The following SPATS2L variants were observed in gnomAD, a reference collection of about 807,000 sequenced individuals.
SPATS2L encodes the protein spermatogenesis associated serine rich 2 like, also known as SPATS2-like protein.
Under a neutral mutation model 59.6 loss-of-function variants are expected in SPATS2L, and 30 were observed. The observed-to-expected ratio is 0.50, with a 90% CI of 0.38 to 0.68. The LOEUF is 0.68. SPATS2L is among the 30% of genes least tolerant of loss of function. The probability of loss-of-function intolerance (pLI) is 0.00; values close to 1 mark genes in which losing one functional copy is unlikely to be tolerated. For synonymous variants in SPATS2L, 252 were observed against 263.5 expected, an observed-to-expected ratio of 0.96 and a Z score of 0.42; for missense variants, 615 against 700.0, an observed-to-expected ratio of 0.88 and a Z score of 1.37.
intron 9 of SPATS2L, among the ~76,000 whole-genome samples, chr2:200,461,505 A>G (rs2086238428): frequency 6.6e-6 from 1 of 152,196 alleles, no homozygotes; most frequent in Non-Finnish European, 1.5e-5. Context: ...TCAAACCACA[A>G]GTGAATGTGT....
intron 1 of SPATS2L, among the ~76,000 whole-genome samples, chr2:200,310,632 C>T (rs771974601): frequency 6.6e-6 from 1 of 152,228 alleles, no homozygotes; most frequent in Non-Finnish European, 1.5e-5. Flanking sequence ...CAAATACTTT[C>T]CATGGCCTCC....
At chr2:200,428,030 A>G (rs12613642) in intron 6 of SPATS2L, among the ~76,000 whole-genome samples, 47,208 of 149,826 alleles carry the variant, frequency 0.32, 8,541 homozygotes, top group Admixed American at 0.4. Flanking sequence ...TGATCACACC[A>G]TTGCACTCCA....
intron 8 of SPATS2L, among the ~76,000 whole-genome samples, chr2:200,453,941 A>C (rs1197185135): frequency 6.6e-6 from 1 of 152,122 alleles, no homozygotes; most frequent in Non-Finnish European, 1.5e-5. Flanking sequence ...TCTCTCCAGC[A>C]GTTCCCACCT....
chr2:200,355,284 C>T (rs1192564469), intron 2 of SPATS2L, among the ~76,000 whole-genome samples: 2 of 152,200 alleles, frequency 1.3e-5, no homozygotes. Flanking sequence ...GGGGGTCTCA[C>T]CCCAGACATA....
intron 8 of SPATS2L, among the ~76,000 whole-genome samples, chr2:200,458,743 AAAG>A (rs2086031719): frequency 6.6e-6 from 1 of 152,324 alleles, no homozygotes; most frequent in South Asian, 2.1e-4. Flanking sequence ...TAAAAAAAAA[AAAG>A]ATTTATGGGA....
At chr2:200,463,667 C>A (rs2086396499) in intron 9 of SPATS2L, among the ~76,000 whole-genome samples, 1 of 152,184 alleles carries the variant, frequency 6.6e-6, no homozygotes, top group Non-Finnish European at 1.5e-5. Context: ...TCTCAAACTT[C>A]CTGTTTATAC....
chr2:200,431,803 A>G (rs2083950302), intron 6 of SPATS2L, among the ~76,000 whole-genome samples: 1 of 152,254 alleles, frequency 6.6e-6, no homozygotes, highest in Non-Finnish European at 1.5e-5. Flanking sequence ...CCAAGTTTAT[A>G]TATTTCCCCC....
chr2:200,412,282 CTATTTCT>C, intron 3 of SPATS2L, 22 bp from the exon 4 acceptor site: 10 of 1,236,894 alleles, frequency 8.1e-6, no homozygotes, highest in Non-Finnish European at 9.0e-6. Flanking sequence ...GTTCACATTT[CTATTTCT>C]TTTTTTTTTT....
chr2:200,434,764 G>A (rs764728609), intron 6 of SPATS2L, among the ~76,000 whole-genome samples: 4 of 152,046 alleles, frequency 2.6e-5, no homozygotes, highest in East Asian at 1.9e-4. Flanking sequence ...TTAAGATACC[G>A]CATATCCCCA....
At chr2:200,463,879 A>C (rs879654599) in intron 9 of SPATS2L, among the ~76,000 whole-genome samples, 8 of 152,212 alleles carry the variant, frequency 5.3e-5, no homozygotes, top group Non-Finnish European at 8.8e-5. Context: ...TTGGGATTTT[A>C]AGTATATTTT....
At chr2:200,360,457 T>G (rs1464210851) in intron 2 of SPATS2L, among the ~76,000 whole-genome samples, 1 of 152,182 alleles carries the variant, frequency 6.6e-6, no homozygotes, top group African/African-American at 2.4e-5. Flanking sequence ...TCTACCTCTG[T>G]CCTCCCCAAC....
chr2:200,371,677 A>C (rs1297789371), intron 2 of SPATS2L, among the ~76,000 whole-genome samples: 1 of 152,194 alleles, frequency 6.6e-6, no homozygotes, highest in African/African-American at 2.4e-5. Context: ...CTTATCTACA[A>C]ATTAATTTGG....
chr2:200,311,901 A>G lies in SPATS2L; in HGVS notation c.-73+4979A>G, dbSNP rs553141805. On this transcript the variant is annotated intron_variant, in intron 1 of 12. Coordinates refer to ENST00000409140, the MANE Select transcript of SPATS2L (RefSeq NM_001100423.2). The stretch of plus-strand genomic sequence containing the variant: ...TGATTACTGAAAGGATTTGGATAAG[A>G]TTTCAGTGTTATTGGGAATATAAGG... Among the ~76,000 whole-genome samples, 58 of 152,242 alleles carry G rather than the reference A, an allele frequency of 3.8e-4. 1 individual carries two copies. The highest frequency in any genetic ancestry group is 1.3e-3 in the African/African-American group (56 of 41,550).
chr2:200,393,133 G>A (rs2082221414), intron 3 of SPATS2L: 2 of 450,548 alleles, frequency 4.4e-6, no homozygotes, highest in East Asian at 7.0e-5. Flanking sequence ...GGTGCTGATC[G>A]AGGATTGGCA....
At chr2:200,454,983 A>G (rs567063698) in intron 8 of SPATS2L, among the ~76,000 whole-genome samples, 2 of 152,350 alleles carry the variant, frequency 1.3e-5, no homozygotes, top group East Asian at 3.9e-4. Flanking sequence ...TTAAACCACC[A>G]TAGTTTGCAA....
intron 2 of SPATS2L, among the ~76,000 whole-genome samples, chr2:200,372,546 C>T (rs1553516941): frequency 6.6e-6 from 1 of 152,110 alleles, no homozygotes; most frequent in Non-Finnish European, 1.5e-5. Flanking sequence ...AATTTTCCTT[C>T]CCCCTTTGGC....
At chr2:200,330,547 T>C (rs1157715241) in intron 2 of SPATS2L, among the ~76,000 whole-genome samples, 1 of 152,232 alleles carries the variant, frequency 6.6e-6, no homozygotes, top group African/African-American at 2.4e-5. Context: ...TCCATACACA[T>C]GTCTGCATGC....
At chr2:200,446,094 C>A (rs1225915434) in intron 8 of SPATS2L, among the ~76,000 whole-genome samples, 1 of 152,096 alleles carries the variant, frequency 6.6e-6, no homozygotes, top group Non-Finnish European at 1.5e-5. Context: ...ATCCCAACAC[C>A]TTGGAAGGCC....
In SPATS2L at chr2:200,340,218, C is replaced by T. The variant is rs150453699; in HGVS notation, c.-23+10738C>T. ...ATGGTCCTCTGAAGTATGCTGTGCT[C>T]GCAGAGTTTATCTGCCCTGCACTCT... On this transcript the variant is annotated intron_variant, in intron 2 of 12. Transcript: ENST00000409140. Among the ~76,000 whole-genome samples, 256 of 152,266 alleles carry T rather than the reference C, an allele frequency of 1.7e-3. 1 individual carries two copies. Among genetic ancestry groups the T allele is most frequent in the Non-Finnish European group, 3.1e-3 (214 of 68,026 alleles).
Sources: allele counts gnomAD v4.1 joint callset (sites outside exome capture counted in the v4.1 genomes callset), GRCh38; gene constraint gnomAD v4.1.1; transcripts MANE v1.5; gene names NCBI Gene and HGNC (gene_info 2026-07-23, HGNC 2026-07-21).